The following PCDH15 variants were observed in gnomAD, a reference collection of about 807,000 sequenced individuals.
PCDH15 encodes the protein protocadherin-15.
In PCDH15, 129 loss-of-function variants were observed where a neutral mutation model predicts 178.5. That is an observed-to-expected ratio of 0.72 (90% CI 0.63 to 0.84). PCDH15 has a LOEUF of 0.84. Ranked by LOEUF, PCDH15 falls within the 40% of genes least tolerant of loss-of-function variation. The probability of loss-of-function intolerance (pLI) is 0.00; values close to 1 mark genes in which losing one functional copy is unlikely to be tolerated. For synonymous variants in PCDH15, 800 were observed against 732.0 expected (o/e 1.09, Z -1.50); for missense variants, 2,230 against 2,099.9 (o/e 1.06, Z -1.21).
chr10:53,893,094 T>A (rs184538404), intron 26 of PCDH15, among the ~76,000 whole-genome samples: 111 of 152,218 alleles, frequency 7.3e-4, no homozygotes, highest in Admixed American at 1.3e-3. Context: ...AATATTTGAC[T>A]TTGAGTGTCG....
chr10:54,587,171 G>C (rs1037937942), intron 2 of PCDH15, among the ~76,000 whole-genome samples: 1 of 152,118 alleles, frequency 6.6e-6, no homozygotes, highest in Admixed American at 6.6e-5. Context: ...TTAAATGTCT[G>C]TCAGTGATTG....
intron 18 of PCDH15, among the ~76,000 whole-genome samples, chr10:54,048,249 T>C (rs1407687117): frequency 6.6e-6 from 1 of 152,086 alleles, no homozygotes; most frequent in Non-Finnish European, 1.5e-5. Context: ...TTAATGGCCT[T>C]ATTTCTTTTT....
chr10:54,972,471 C>CTTAGGCAGGAGAATCGCTTGAACCTG (rs1838959001), intron 2 of PCDH15, among the ~76,000 whole-genome samples: 1 of 151,772 alleles, frequency 6.6e-6, no homozygotes, highest in African/African-American at 2.4e-5. Context: ...ACCTGGGAGG[C>CTTAGGCAGGAGAATCGCTTGAACCTG]GGAGGTTGTA....
At chr10:54,851,838 G>A (rs1052215249) in intron 3 of PCDH15, among the ~76,000 whole-genome samples, 6 of 152,008 alleles carry the variant, frequency 3.9e-5, no homozygotes, top group Admixed American at 3.9e-4. Context: ...CCAAATTGCT[G>A]GGATTACAAG....
chr10:55,461,946 T>C (rs997096971), intron 2 of PCDH15, among the ~76,000 whole-genome samples: 9 of 152,110 alleles, frequency 5.9e-5, no homozygotes, highest in Non-Finnish European at 1.2e-4. Flanking sequence ...ATCCTTACTA[T>C]GCCACTACCA....
intron 2 of PCDH15, among the ~76,000 whole-genome samples, chr10:54,911,811 T>C (rs1954823275): frequency 6.6e-6 from 1 of 152,202 alleles, no homozygotes; most frequent in Admixed American, 6.5e-5. Flanking sequence ...TGTTACGATG[T>C]GCCTTGTTTC....
At chr10:54,155,513 A>C (rs1358914606) in intron 13 of PCDH15, among the ~76,000 whole-genome samples, 1 of 152,196 alleles carries the variant, frequency 6.6e-6, no homozygotes, top group Non-Finnish European at 1.5e-5. Flanking sequence ...AAATAATAAA[A>C]TAATGGGTTA....
At chr10:55,093,446 G>T (rs1842366442) in intron 2 of PCDH15, among the ~76,000 whole-genome samples, 1 of 151,958 alleles carries the variant, frequency 6.6e-6, no homozygotes, top group Non-Finnish European at 1.5e-5. Flanking sequence ...CACTCTGATG[G>T]TAATTTCTTT....
intron 2 of PCDH15, among the ~76,000 whole-genome samples, chr10:55,087,849 C>A (rs1842213165): frequency 2.0e-5 from 3 of 152,034 alleles, no homozygotes; most frequent in Admixed American, 6.6e-5. Flanking sequence ...TAGTGTAATT[C>A]TACATGGTAG....
At chr10:54,831,494 C>T (rs1222978468) in intron 3 of PCDH15, among the ~76,000 whole-genome samples, 1 of 151,984 alleles carries the variant, frequency 6.6e-6, no homozygotes, top group Non-Finnish European at 1.5e-5. Context: ...TATAATAATA[C>T]ATTTCTAACT....
chr10:54,595,206 G>C (rs2092157328), intron 2 of PCDH15, among the ~76,000 whole-genome samples: 1 of 152,194 alleles, frequency 6.6e-6, no homozygotes, highest in Admixed American at 6.5e-5. Flanking sequence ...AGCCATTAGA[G>C]TGTTGTGACC....
At chr10:55,347,260 G>GT (rs1844788247) in intron 2 of PCDH15, among the ~76,000 whole-genome samples, 1 of 151,814 alleles carries the variant, frequency 6.6e-6, no homozygotes, top group Non-Finnish European at 1.5e-5. Context: ...TATAGTGGAA[G>GT]TTTTTTTACA....
intron 1 of PCDH15, among the ~76,000 whole-genome samples, chr10:54,695,132 G>A (rs2095200160): frequency 6.6e-6 from 1 of 152,078 alleles, no homozygotes; most frequent in Non-Finnish European, 1.5e-5. Context: ...GAGTTAATGG[G>A]TGCAGCACAC....
intron 23 of PCDH15, among the ~76,000 whole-genome samples, chr10:53,949,046 TTG>T (rs2086800493): frequency 6.6e-6 from 1 of 152,210 alleles, no homozygotes; most frequent in South Asian, 2.1e-4. Context: ...TGGATGTAAG[TTG>T]AACTGTTTGG....
intron 10 of PCDH15, among the ~76,000 whole-genome samples, chr10:54,197,794 C>T (rs897036238): frequency 1.3e-5 from 2 of 152,002 alleles, no homozygotes; most frequent in East Asian, 1.9e-4. Context: ...TATTTTCCTT[C>T]ATATTATTTA....
At chr10:55,267,076 C>G (rs1278240471) in intron 1 of PCDH15, among the ~76,000 whole-genome samples, 1 of 151,638 alleles carries the variant, frequency 6.6e-6, no homozygotes, top group African/African-American at 2.4e-5. Flanking sequence ...GACAGAGGAA[C>G]TTTTCCCATT....
intron 3 of PCDH15, among the ~76,000 whole-genome samples, chr10:54,820,222 A>C (rs1042136803): frequency 6.6e-6 from 1 of 152,010 alleles, no homozygotes; most frequent in Admixed American, 6.6e-5. Flanking sequence ...CTTTGCTTTC[A>C]GTCTCTGTAA....
At chr10:54,588,630 T>C (rs910904783) in intron 2 of PCDH15, among the ~76,000 whole-genome samples, 2 of 149,896 alleles carry the variant, frequency 1.3e-5, no homozygotes, top group Admixed American at 6.7e-5. Context: ...CAGCCTGGAG[T>C]GCAGTGGCAT....
In PCDH15 at chr10:53,945,061, T is replaced by A. The variant is rs1021777361; in HGVS notation, c.3123-4086A>T. ...GAAATAGAATCCGAAATAATATTTG[T>A]TTTATAAATATATTTCCTCATTGTT... On this transcript the variant is annotated intron_variant, in intron 23 of 37. Coordinates refer to ENST00000644397, the MANE Select transcript of PCDH15 (RefSeq NM_001384140.1). 5.9e-5 allele frequency among the ~76,000 whole-genome samples: 9 copies of A among 152,348 alleles called. 1 individual carries two copies. The highest frequency in any genetic ancestry group is 5.9e-4 in the Admixed American group (9 of 15,304).
Sources: allele counts gnomAD v4.1 joint callset (sites outside exome capture counted in the v4.1 genomes callset), GRCh38; gene constraint gnomAD v4.1.1; transcripts MANE v1.5; gene names NCBI Gene and HGNC (gene_info 2026-07-23, HGNC 2026-07-21).